CCDC187: variants seen among roughly 807,000 people sequenced by gnomAD.
The protein encoded by CCDC187 is coiled-coil domain-containing protein 187.
A neutral mutation model predicts 38.0 loss-of-function variants in CCDC187; 32 were observed. The observed-to-expected ratio is 0.84, with a 90% CI of 0.64 to 1.13. The LOEUF (loss-of-function observed/expected upper bound fraction) is 1.13, where lower values mean the gene tolerates loss of function less well. Among genes scored for constraint, CCDC187 ranks in the 50% most tolerant of loss-of-function variants. The pLI is 0.00. For synonymous variants in CCDC187, 333 were observed against 347.9 expected, an observed-to-expected ratio of 0.96 and a Z score of 0.48; for missense variants, 707 against 786.8, an observed-to-expected ratio of 0.90 and a Z score of 1.21.
At chr9:136,284,115 A>G (rs2131266218) in intron 9 of CCDC187, among the ~76,000 whole-genome samples, 1 of 152,126 alleles carries the variant, frequency 6.6e-6, no homozygotes, top group South Asian at 2.1e-4. Context: ...ATGTCCCAGC[A>G]GGAGGAGAGG....
At chr9:136,288,127 G>C (rs947005830) in intron 7 of CCDC187, among the ~76,000 whole-genome samples, 3 of 152,200 alleles carry the variant, frequency 2.0e-5, no homozygotes, top group African/African-American at 4.8e-5. Flanking sequence ...GGTGGCCAGT[G>C]GGGGAGGGGC....
At chr9:136,298,127 C>T (rs1831580858) in intron 3 of CCDC187, among the ~76,000 whole-genome samples, 2 of 152,216 alleles carry the variant, frequency 1.3e-5, no homozygotes, top group African/African-American at 4.8e-5. Context: ...CCCTCCAGGC[C>T]CAGAGGTCCT....
At chr9:136,305,173 C>T (rs979523934), upstream of CCDC187, among the ~76,000 whole-genome samples, 30 of 152,214 alleles carry the variant, frequency 2.0e-4, no homozygotes, top group Non-Finnish European at 1.3e-4. Flanking sequence ...ATGTGAGGTG[C>T]GGCCACCTCC....
intron 18 of CCDC187, among the ~76,000 whole-genome samples, 198 bp downstream of exon 18, chr9:136,263,424 C>T (rs554358488): frequency 2.6e-5 from 4 of 152,158 alleles, no homozygotes; most frequent in African/African-American, 7.2e-5. Context: ...TTAGTAGAGA[C>T]GGGGTTTCAC....
chr9:136,281,072 G>GC (rs1205821752), intron 10 of CCDC187: 1 of 239,468 alleles, frequency 4.2e-6, no homozygotes. Flanking sequence ...GCCCTGCCAA[G>GC]CCCCCCAGCC....
chr9:136,261,676 C>A (rs1386303652), intron 19 of CCDC187, among the ~76,000 whole-genome samples: 1 of 152,236 alleles, frequency 6.6e-6, no homozygotes, highest in African/African-American at 2.4e-5. Context: ...CCAGCAACTC[C>A]CCTCACTGCA....
chr9:136,298,259 C>A (rs1831583690), intron 3 of CCDC187, among the ~76,000 whole-genome samples: 1 of 152,192 alleles, frequency 6.6e-6, no homozygotes, highest in Non-Finnish European at 1.5e-5. Context: ...CAAGTGAATG[C>A]ACAGAGTGGC....
At chr9:136,269,412 G>A (rs1412077517) in intron 14 of CCDC187, among the ~76,000 whole-genome samples, 1 of 152,232 alleles carries the variant, frequency 6.6e-6, no homozygotes, top group Admixed American at 6.5e-5. Flanking sequence ...CACTTTGGGA[G>A]GCCAAGGTGG....
At position 136,264,870 on chromosome 9, in the gene CCDC187, C is replaced by A. The variant is rs1830726350; in HGVS notation, c.3736-1072G>T. ...TCCCAAGCTCAAGCAATCCTCCCAT[C>A]TCAGTCCACCAAATAGCTGGGACTA... is the stretch of plus-strand genomic sequence containing the variant. On this transcript the variant is annotated intron_variant, in intron 17 of 25. Coordinates refer to ENST00000638797, the MANE Select transcript of CCDC187 (RefSeq NM_001378188.1). This position sits in a 1 kb window ranked among gnomAD's most constrained non-coding sequence, Gnocchi z 4.3. 6.6e-6 allele frequency among the ~76,000 whole-genome samples: 1 copy of A among 152,126 alleles called. No homozygotes were observed. Among genetic ancestry groups the A allele is most frequent in the African/African-American group, 2.4e-5 (1 of 41,428 alleles).
chr9:136,292,319 C>T (rs1185075704), intron 4 of CCDC187, 24 bp from the exon 5 acceptor site: 2 of 398,582 alleles, frequency 5.0e-6, no homozygotes, highest in Admixed American at 4.4e-5. Context: ...AACATACACA[C>T]AGCCGGGCGC....
Position 136,254,626 on chromosome 9 carries a change from T to C in CCDC187, c.5202A>G (p.Pro1734=). 1.0e-6 allele frequency: 1 copy of C among 985,536 alleles called. No individual in the cohort carries two copies. The highest frequency in any genetic ancestry group is 1.2e-6 in the Non-Finnish European group (1 of 829,992). The allele number at this position is 985,536 out of a possible 1,614,324, so 61.0% of individuals were successfully genotyped here. Residue 1734 remains proline (P), a synonymous_variant, in exon 26 of 26, where the codon CCA becomes CCG. Transcript: ENST00000638797. ...GGAAAGGCAGTAGCCAGCCTGCCTT[T>C]GGGCTTTGCTCCGGCGCTGAAACTT... is the stretch of plus-strand genomic sequence containing the variant. ...MAEVSAPEQS[P]KAGWLLPFPD... is the part of the protein sequence containing the mutation.
intron 16 of CCDC187, 36 bp downstream of exon 16, chr9:136,267,348 G>C (rs186980338): frequency 1.0e-6 from 1 of 979,044 alleles, no homozygotes; most frequent in Non-Finnish European, 1.2e-6. Flanking sequence ...GCGGGGCTAC[G>C]GCGGGGCGGG....
chr9:136,271,608 T>G (rs1830840968), intron 14 of CCDC187, among the ~76,000 whole-genome samples: 2 of 115,924 alleles, frequency 1.7e-5, no homozygotes, highest in Admixed American at 2.1e-4. Flanking sequence ...GAGAAAGTCT[T>G]TTTTTTTTTT....
At chr9:136,255,956 GA>G (rs1259008149) in intron 24 of CCDC187, among the ~76,000 whole-genome samples, 4 of 152,204 alleles carry the variant, frequency 2.6e-5, no homozygotes, top group African/African-American at 7.2e-5. Flanking sequence ...AGGTGGCAGA[GA>G]GGGGGGTGGG....
chr9:136,264,465 A>G lies in CCDC187; in HGVS notation c.3736-667T>C, dbSNP rs1327620526. Among the ~76,000 whole-genome samples the G allele has an allele frequency of 6.6e-6, 1 of 151,928 alleles. No individual in the cohort carries two copies. On this transcript the variant is annotated intron_variant, in intron 17 of 25. Coordinates refer to ENST00000638797, the MANE Select transcript of CCDC187 (RefSeq NM_001378188.1). The surrounding 1 kb of genome is among the most constrained non-coding windows in gnomAD (Gnocchi z 4.3). ...CCAGGCCCCGTCGTTGCCATGTGAC[A>G]TGCAGACCCCTTCTAAGCCCCTTTT...
intron 14 of CCDC187, among the ~76,000 whole-genome samples, chr9:136,268,485 A>G (rs1433469258): frequency 6.6e-6 from 1 of 152,176 alleles, no homozygotes; most frequent in Non-Finnish European, 1.5e-5. Context: ...AGGAGCTGGC[A>G]GGTGACAGCA....
intron 3 of CCDC187, among the ~76,000 whole-genome samples, chr9:136,299,255 C>T (rs981353264): frequency 3.3e-5 from 5 of 152,122 alleles, no homozygotes; most frequent in Admixed American, 2.0e-4. Flanking sequence ...GCCCTGGACC[C>T]CGCCCACATC....
chr9:136,273,518 G>A (rs1478238456), intron 14 of CCDC187, among the ~76,000 whole-genome samples: 4 of 152,160 alleles, frequency 2.6e-5, no homozygotes, highest in African/African-American at 7.2e-5. Context: ...CAGAATACAC[G>A]AAGCGAAACC....
rs921506465 is a variant in CCDC187 at position 136,281,279 on chromosome 9, A to C, written c.3040+272T>G. ...AAGCGCCCTAGGAGGTGGGCTGGGC[A>C]CAGCGGCACGGGGCATGGCTGTCAT... On this transcript the variant is annotated intron_variant, in intron 10 of 25. Coordinates refer to ENST00000638797, the MANE Select transcript of CCDC187 (RefSeq NM_001378188.1). 4 of 397,712 alleles carry C rather than the reference A, an allele frequency of 1.0e-5. No homozygotes were observed. In the Admixed American group the frequency reaches 1.8e-4, roughly 17 times the overall value. The allele number at this position is 397,712 out of a possible 1,614,324, so 24.6% of individuals were successfully genotyped here. A position where few individuals can be genotyped will look rare whatever the true frequency, so the allele number is the denominator to read the frequency against.
Sources: gnomAD v4.1 joint callset for allele counts (sites outside exome capture counted in the v4.1 genomes callset) on GRCh38, gnomAD v4.1.1 for gene constraint, Gnocchi (gnomAD v3.1) non-coding constraint, MANE v1.5 for transcripts, NCBI Gene and HGNC (gene_info 2026-07-23, HGNC 2026-07-21) for gene names.